TMEM244: variants seen among roughly 807,000 people sequenced by gnomAD.
TMEM244 encodes transmembrane protein 244, also known as putative transmembrane protein 244.
A neutral mutation model predicts 15.8 loss-of-function variants in TMEM244; 13 were observed. That is an observed-to-expected ratio of 0.82 (90% CI 0.53 to 1.30). The LOEUF (loss-of-function observed/expected upper bound fraction) is 1.30, where lower values mean the gene tolerates loss of function less well. Among genes scored for constraint, TMEM244 ranks in the 50% most tolerant of loss-of-function variants. TMEM244 has a pLI of 0.00. For missense variants in TMEM244, 161 were observed against 144.9 expected, an observed-to-expected ratio of 1.11 and a Z score of -0.57; for synonymous variants, 45 against 48.7, an observed-to-expected ratio of 0.92 and a Z score of 0.32.
intron 2 of TMEM244, 21 bp from the exon 3 acceptor site, chr6:129,843,624 AAC>A (rs772419896): frequency 1.3e-6 from 2 of 1,571,362 alleles, no homozygotes; most frequent in East Asian, 2.2e-5. Flanking sequence ...TATAAGTGAA[AAC>A]AGTTTACTCT....
chr6:129,855,447 T>G (rs1480515), intron 1 of TMEM244, among the ~76,000 whole-genome samples: 85,781 of 151,896 alleles, frequency 0.56, 25,064 homozygotes, highest in Non-Finnish European at 0.66. Flanking sequence ...GTAAGTATTT[T>G]CCCCAAATTC....
intron 2 of TMEM244, among the ~76,000 whole-genome samples, chr6:129,844,325 C>T (rs1370092825): frequency 6.6e-6 from 1 of 152,080 alleles, no homozygotes; most frequent in East Asian, 1.9e-4. Context: ...ATAGTTCCTG[C>T]CATCAAACGT....
At chr6:129,848,308 C>A (rs1051062689) in intron 1 of TMEM244, among the ~76,000 whole-genome samples, 1 of 152,200 alleles carries the variant, frequency 6.6e-6, no homozygotes, top group African/African-American at 2.4e-5. Flanking sequence ...CTTCCAGAAG[C>A]CGCAAACAGA....
intron 1 of TMEM244, among the ~76,000 whole-genome samples, chr6:129,856,391 C>A (rs1197607304): frequency 6.6e-6 from 1 of 152,088 alleles, no homozygotes; most frequent in Admixed American, 6.5e-5. Flanking sequence ...ATTATAGAAG[C>A]TTTATAGTAT....
intron 3 of TMEM244, among the ~76,000 whole-genome samples, chr6:129,839,375 A>G (rs932322782): frequency 2.0e-5 from 3 of 152,206 alleles, no homozygotes; most frequent in Non-Finnish European, 4.4e-5. Flanking sequence ...ACAAAATTCA[A>G]TAGCCCTTCA....
chr6:129,845,768 C>G lies in TMEM244; in HGVS notation c.118G>C (p.Glu40Gln). The G allele has an allele frequency of 1.2e-6, 2 of 1,607,698 alleles. No individual in the cohort carries two copies. The highest frequency in any genetic ancestry group is 1.1e-5 in the South Asian group (1 of 90,202). ...ATTTGAAGACAATGTGCTACTTACT[C>G]AAACATCACGCAGCCCATGCTCAGG... ...VSLSMGCVMF[E>Q]VHELNVLAPF... The change falls in exon 2 of 5, where the codon GAG (glutamate) becomes CAG (glutamine). Residue 40 changes from glutamate (E) to glutamine (Q), a missense_variant and splice_region_variant. By Grantham distance (29) the Glu-to-Gln change is conservative. Transcript: ENST00000368143.
intron 3 of TMEM244, among the ~76,000 whole-genome samples, chr6:129,834,072 G>A (rs1165267571): frequency 2.0e-5 from 3 of 152,208 alleles, no homozygotes; most frequent in Admixed American, 2.0e-4. Flanking sequence ...TAATAAAATG[G>A]TTCGTTCAGA....
intron 3 of TMEM244, 92 bp downstream of exon 3, chr6:129,843,438 G>A (rs1373984261): frequency 2.5e-6 from 2 of 792,236 alleles, no homozygotes; most frequent in East Asian, 5.3e-5. Context: ...TGCGAGACAG[G>A]CCTGATATTT....
chr6:129,833,639 G>C (rs1304897926), intron 3 of TMEM244, 54 bp from the exon 4 acceptor site: 1 of 1,536,256 alleles, frequency 6.5e-7, no homozygotes, highest in Non-Finnish European at 8.8e-7. Context: ...TGAACATTCT[G>C]AAATACAACT....
chr6:129,858,133 T>C (rs1450677185), intron 1 of TMEM244, among the ~76,000 whole-genome samples: 2 of 152,174 alleles, frequency 1.3e-5, no homozygotes, highest in African/African-American at 2.4e-5. Flanking sequence ...TGTTTGCTAA[T>C]ATGTTTAGAT....
intron 4 of TMEM244, among the ~76,000 whole-genome samples, chr6:129,831,941 G>A (rs1182856337): frequency 6.6e-6 from 1 of 152,106 alleles, no homozygotes; most frequent in Admixed American, 6.6e-5. Context: ...GGGGCGGGGT[G>A]TCCAGTGATT....
chr6:129,848,122 C>A lies in TMEM244; in HGVS notation c.34-2270G>T, dbSNP rs570408498. 8.7e-4 allele frequency among the ~76,000 whole-genome samples: 133 copies of A among 152,252 alleles called. 1 individual carries two copies. The highest frequency in any genetic ancestry group is 3.1e-3 in the African/African-American group (127 of 41,554). On this transcript the variant is annotated intron_variant, in intron 1 of 4. Transcript: ENST00000368143. ...TCTCTCCTCCCTTATGACCTTCAGT[C>A]TCTCTTTCCTCAACCCTTGGTCCCC...
intron 4 of TMEM244, among the ~76,000 whole-genome samples, chr6:129,832,154 ATGG>A (rs71543165): frequency 0.062 from 9,200 of 147,286 alleles, 479 homozygotes; most frequent in African/African-American, 0.14. Flanking sequence ...TTGGAGTGCA[ATGG>A]TGTGATCTCG....
chr6:129,857,778 G>A (rs757818864), intron 1 of TMEM244, among the ~76,000 whole-genome samples: 4 of 151,082 alleles, frequency 2.6e-5, no homozygotes, highest in Non-Finnish European at 5.9e-5. Flanking sequence ...ATTGTAATGT[G>A]TGTGTGTATG....
rs147359957 is a variant in TMEM244 at position 129,849,116 on chromosome 6, C to T, written c.34-3264G>A. 5.4e-3 allele frequency among the ~76,000 whole-genome samples: 814 copies of T among 151,782 alleles called. 6 individuals carry two copies. The highest frequency in any genetic ancestry group is 0.018 in the African/African-American group (749 of 41,416). ...CATTTTTTAATTAAATTATAATTTGCGAGACAATATATTTGTTGACAAACT... is the reference window on the plus strand; with the variant it reads ...CATTTTTTAATTAAATTATAATTTGTGAGACAATATATTTGTTGACAAACT... On this transcript the variant is annotated intron_variant, in intron 1 of 4. Transcript: ENST00000368143.
At chr6:129,841,110 T>C (rs931353563) in intron 3 of TMEM244, among the ~76,000 whole-genome samples, 6 of 152,118 alleles carry the variant, frequency 3.9e-5, no homozygotes, top group African/African-American at 1.2e-4. Context: ...TTCTATGATA[T>C]AGACACATGC....
chr6:129,853,498 A>G (rs1301685831), intron 1 of TMEM244, among the ~76,000 whole-genome samples: 1 of 152,108 alleles, frequency 6.6e-6, no homozygotes, highest in East Asian at 1.9e-4. Flanking sequence ...AAAGTGAAAT[A>G]AATGTGCACC....
chr6:129,857,415 G>A (rs1406153149), intron 1 of TMEM244, among the ~76,000 whole-genome samples: 4 of 151,858 alleles, frequency 2.6e-5, no homozygotes, highest in Non-Finnish European at 5.9e-5. Context: ...GAGTGCAATG[G>A]TGAGATCTCA....
At chr6:129,852,754 C>T (rs1776651865) in intron 1 of TMEM244, among the ~76,000 whole-genome samples, 3 of 152,160 alleles carry the variant, frequency 2.0e-5, no homozygotes, top group Admixed American at 6.5e-5. Flanking sequence ...CAGCGCCTCA[C>T]CTTCCTTTTA....
Sources: gnomAD v4.1 joint callset for allele counts (sites outside exome capture counted in the v4.1 genomes callset) on GRCh38, gnomAD v4.1.1 for gene constraint, MANE v1.5 for transcripts, NCBI Gene and HGNC (gene_info 2026-07-23, HGNC 2026-07-21) for gene names.